Variants in KMO observed in about 807,000 individuals in gnomAD.
The protein encoded by KMO is kynurenine 3-hydroxylase.
KMO carries 24 observed loss-of-function variants against 57.8 expected under a neutral mutation model. That is an observed-to-expected ratio of 0.42 (90% CI 0.30 to 0.58). KMO has a LOEUF of 0.58. Ranked by LOEUF, KMO falls within the 20% of genes least tolerant of loss-of-function variation. The pLI is 0.22. For synonymous variants in KMO, 210 were observed against 193.6 expected (o/e 1.08, Z -0.70); for missense variants, 483 against 588.2 (o/e 0.82, Z 1.85).
chr1:241,558,628 CAA>C (rs1483867939), intron 5 of KMO, among the ~76,000 whole-genome samples: 1 of 152,096 alleles, frequency 6.6e-6, no homozygotes, highest in Non-Finnish European at 1.5e-5. Context: ...TTGCATCAAA[CAA>C]GTTTTCAGTC....
intron 11 of KMO, among the ~76,000 whole-genome samples, chr1:241,588,438 T>C (rs1411747301): frequency 6.7e-6 from 1 of 149,874 alleles, no homozygotes; most frequent in East Asian, 2.0e-4. Context: ...GTGACTGGTT[T>C]ACACATGACG....
intron 1 of KMO, among the ~76,000 whole-genome samples, chr1:241,540,968 A>T (rs1415517247): frequency 2.0e-5 from 3 of 152,194 alleles, no homozygotes. Context: ...AGGCCAAGGC[A>T]GGAGATCACT....
chr1:241,589,930 G>A (rs1322821939), intron 12 of KMO, 82 bp from the exon 13 acceptor site: 6 of 1,066,322 alleles, frequency 5.6e-6, no homozygotes, highest in Non-Finnish European at 7.3e-6. Flanking sequence ...TGCGATGAGT[G>A]GGAATGAAGA....
In KMO at chr1:241,586,531, C is replaced by T. The variant is rs569565133; in HGVS notation, c.958-148C>T. 9.0e-6 allele frequency: 6 copies of T among 667,632 alleles called. No individual in the cohort carries two copies. In the East Asian group the frequency reaches 1.1e-4, roughly 13 times the overall value. The allele number at this position is 667,632 out of a possible 1,614,324, so 41.4% of individuals were successfully genotyped here. A position where few individuals can be genotyped will look rare whatever the true frequency, so the allele number is the denominator to read the frequency against. ...GTCATTTTTAACCATAATTCAATACCATGTGACAACTCAACTGCTATGTAC... is the reference window on the plus strand; with the variant it reads ...GTCATTTTTAACCATAATTCAATACTATGTGACAACTCAACTGCTATGTAC... On this transcript the variant is annotated intron_variant, in intron 10 of 14. Transcript: ENST00000366559.
chr1:241,561,631 T>C (rs1661842624), intron 6 of KMO, among the ~76,000 whole-genome samples: 4 of 152,232 alleles, frequency 2.6e-5, no homozygotes, highest in Middle Eastern at 3.2e-3. Context: ...TTTTCTTAAA[T>C]TGCAACTCTT....
chr1:241,537,144 G>T (rs776498610), intron 1 of KMO, among the ~76,000 whole-genome samples: 9 of 152,014 alleles, frequency 5.9e-5, no homozygotes, highest in Non-Finnish European at 8.8e-5. Context: ...TTACCCTATG[G>T]GTCTCAGTTT....
chr1:241,592,245 G>C lies in KMO; in HGVS notation c.*92G>C. ...TTCCATTGCCATATTTGATTCACTA[G>C]TGGAAGATAGTGTTCTGCTTATAAT... On this transcript the variant is annotated 3_prime_UTR_variant, in exon 15 of 15. Coordinates refer to ENST00000366559, the MANE Select transcript of KMO (RefSeq NM_003679.5). The C allele has an allele frequency of 4.7e-6, 4 of 842,978 alleles. No homozygotes were observed. The highest frequency in any genetic ancestry group is 5.7e-6 in the Non-Finnish European group (3 of 524,118). 52.2% of individuals were successfully genotyped at this position (842,978 alleles called of 1,614,324 possible).
chr1:241,543,452 A>G (rs1259183785), intron 1 of KMO, among the ~76,000 whole-genome samples: 2 of 152,178 alleles, frequency 1.3e-5, no homozygotes, highest in African/African-American at 2.4e-5. Context: ...TCTTGCTAAT[A>G]TATTCATATC....
At chr1:241,583,660 T>C (rs1662843852) in intron 10 of KMO, among the ~76,000 whole-genome samples, 1 of 152,228 alleles carries the variant, frequency 6.6e-6, no homozygotes. Flanking sequence ...TAATACAATA[T>C]AAATGTCATG....
intron 1 of KMO, among the ~76,000 whole-genome samples, chr1:241,533,243 A>T (rs1478960725): frequency 6.6e-6 from 1 of 152,252 alleles, no homozygotes; most frequent in Non-Finnish European, 1.5e-5. Flanking sequence ...CTGTTTCAGA[A>T]TACAAACATC....
At chr1:241,540,887 G>A (rs1299030978) in intron 1 of KMO, among the ~76,000 whole-genome samples, 1 of 151,954 alleles carries the variant, frequency 6.6e-6, no homozygotes, top group Non-Finnish European at 1.5e-5. Context: ...AACATAGCAA[G>A]ATCCTGTCTC....
At chr1:241,564,490 A>G (rs1277394965) in intron 7 of KMO, among the ~76,000 whole-genome samples, 2 of 152,070 alleles carry the variant, frequency 1.3e-5, no homozygotes, top group African/African-American at 4.8e-5. Context: ...GGTTTGGCTC[A>G]TGAAATTTAA....
chr1:241,570,709 G>C (rs1662246777), intron 10 of KMO, among the ~76,000 whole-genome samples: 1 of 152,078 alleles, frequency 6.6e-6, no homozygotes, highest in Non-Finnish European at 1.5e-5. Flanking sequence ...TTTGAAGTCA[G>C]GTAATGTGAT....
intron 10 of KMO, among the ~76,000 whole-genome samples, chr1:241,571,674 AT>A (rs1662284114): frequency 6.6e-6 from 1 of 151,918 alleles, no homozygotes; most frequent in African/African-American, 2.4e-5. Context: ...GTGTTATTGA[AT>A]TTGGTTTGCT....
chr1:241,571,066 T>C (rs941943306), intron 10 of KMO, among the ~76,000 whole-genome samples: 1 of 152,168 alleles, frequency 6.6e-6, no homozygotes, highest in African/African-American at 2.4e-5. Flanking sequence ...CTTCCTGGTT[T>C]CTTTTTCAGA....
intron 10 of KMO, among the ~76,000 whole-genome samples, chr1:241,585,071 CA>C (rs899098195): frequency 2.0e-5 from 3 of 151,364 alleles, no homozygotes; most frequent in Admixed American, 2.0e-4. Context: ...ACTGAAAATA[CA>C]AAAAAAATTA....
intron 7 of KMO, among the ~76,000 whole-genome samples, chr1:241,562,915 GAA>G (rs1558421410): frequency 6.4e-4 from 18 of 28,232 alleles, no homozygotes; most frequent in East Asian, 1.5e-3. Flanking sequence ...AGGAAGGAAG[GAA>G]AGAAGGAAGG....
chr1:241,547,145 C>T (rs963892662), intron 1 of KMO, among the ~76,000 whole-genome samples: 1 of 152,022 alleles, frequency 6.6e-6, no homozygotes, highest in African/African-American at 2.4e-5. Context: ...CACTCTAAAG[C>T]TTTAAAAAGA....
At chr1:241,563,040 A>C (rs2147962273) in intron 7 of KMO, among the ~76,000 whole-genome samples, 2 of 152,266 alleles carry the variant, frequency 1.3e-5, no homozygotes, top group East Asian at 3.9e-4. Flanking sequence ...CTCTTGGGAG[A>C]AAAAAACAGG....
Sources: gnomAD v4.1 joint callset for allele counts (sites outside exome capture counted in the v4.1 genomes callset) on GRCh38, gnomAD v4.1.1 for gene constraint, MANE v1.5 for transcripts, NCBI Gene and HGNC (gene_info 2026-07-23, HGNC 2026-07-21) for gene names.